Variants in SLC14A2 observed in about 807,000 individuals in gnomAD.
SLC14A2 encodes urea transporter 2.
A neutral mutation model predicts 104.6 loss-of-function variants in SLC14A2; 91 were observed. The observed-to-expected ratio is 0.87, with a 90% CI of 0.73 to 1.04. SLC14A2 has a LOEUF of 1.04. Among genes scored for constraint, SLC14A2 ranks in the 50% least tolerant of loss-of-function variants. The pLI is 0.00. For synonymous variants in SLC14A2, 476 were observed against 466.4 expected, an observed-to-expected ratio of 1.02 and a Z score of -0.27; for missense variants, 1,189 against 1,156.0, an observed-to-expected ratio of 1.03 and a Z score of -0.41.
At chr18:45,543,249 G>A (rs1366578213) in intron 2 of SLC14A2, among the ~76,000 whole-genome samples, 1 of 151,950 alleles carries the variant, frequency 6.6e-6, no homozygotes, top group Non-Finnish European at 1.5e-5. Context: ...CGCCCAGCCT[G>A]TGTCTTTAAA....
chr18:45,294,250 G>A (rs1261968582), intron 1 of SLC14A2, among the ~76,000 whole-genome samples: 1 of 152,168 alleles, frequency 6.6e-6, no homozygotes, highest in Non-Finnish European at 1.5e-5. Context: ...GATTAAGCAA[G>A]TATTACATTT....
chr18:45,483,219 C>T (rs2087531173), intron 1 of SLC14A2: 1 of 152,096 alleles, frequency 6.6e-6, no homozygotes, highest in African/African-American at 2.4e-5. Flanking sequence ...TTCTGACCTC[C>T]ATTCTCTTTA....
At chr18:45,646,047 G>T (rs1192136699) in intron 10 of SLC14A2, 1 of 152,246 alleles carries the variant, frequency 6.6e-6, no homozygotes, top group Admixed American at 6.5e-5. Flanking sequence ...AGGAGGACCT[G>T]CTCTGGGGCT....
chr18:45,643,208 C>T (rs1428035803), intron 9 of SLC14A2, 27 bp downstream of exon 9: 4 of 1,602,314 alleles, frequency 2.5e-6, no homozygotes, highest in East Asian at 2.2e-5. Context: ...CTGAACACTA[C>T]CCCAAAGTGC....
At chr18:45,188,162 T>C in the SLC14A2 span, among the ~76,000 whole-genome samples, 1 of 152,120 alleles carries the variant, frequency 6.6e-6, no homozygotes, top group African/African-American at 2.4e-5. Context: ...TTCAAGATGG[T>C]AGAGGATGAA....
intron 2 of SLC14A2, among the ~76,000 whole-genome samples, chr18:45,555,745 G>T (rs902739425): frequency 1.3e-5 from 2 of 152,214 alleles, no homozygotes; most frequent in African/African-American, 4.8e-5. Flanking sequence ...GCTGCTTAAT[G>T]TTCCCTCATG....
intron 1 of SLC14A2, among the ~76,000 whole-genome samples, chr18:45,284,641 T>C (rs1383935476): frequency 6.6e-6 from 1 of 152,212 alleles, no homozygotes; most frequent in Non-Finnish European, 1.5e-5. Flanking sequence ...TTTTCATCTT[T>C]TGCATTACTT....
intron 6 of SLC14A2, among the ~76,000 whole-genome samples, chr18:45,637,469 T>G (rs952891612): frequency 6.6e-6 from 1 of 152,182 alleles, no homozygotes; most frequent in Non-Finnish European, 1.5e-5. Context: ...ACAGATAACA[T>G]GCAAGTGAAC....
In SLC14A2 at chr18:45,303,097, G is replaced by A. The variant is rs137939026; in HGVS notation, c.-125+89906G>A. Among the ~76,000 whole-genome samples the A allele has an allele frequency of 1.8e-3, 278 of 152,298 alleles. 4 individuals carry two copies. Among genetic ancestry groups the A allele is most frequent in the Admixed American group, 0.012 (190 of 15,300 alleles). On this transcript the variant is annotated intron_variant, in intron 1 of 20. Transcript: ENST00000586448. ...AAGGAGTTTAATTGAGCATTGAAAC[G>A]ATTTGCAAATTGGGCAGCCCCCATA...
At chr18:45,367,397 C>A (rs1208327682) in intron 1 of SLC14A2, among the ~76,000 whole-genome samples, 1 of 152,064 alleles carries the variant, frequency 6.6e-6, no homozygotes, top group Non-Finnish European at 1.5e-5. Flanking sequence ...TTCTCAGAAA[C>A]CAGCTGACTC....
intron 1 of SLC14A2, among the ~76,000 whole-genome samples, chr18:45,260,208 G>A (rs1380979629): frequency 6.6e-6 from 1 of 152,150 alleles, no homozygotes; most frequent in African/African-American, 2.4e-5. Context: ...GCTCCTCTGT[G>A]CAATGGATCA....
chr18:45,196,140 G>A, the SLC14A2 span, among the ~76,000 whole-genome samples: 1,514 of 152,232 alleles, frequency 9.9e-3, 27 homozygotes, highest in African/African-American at 0.034. Flanking sequence ...TCAATGATTG[G>A]CACAAAGATA....
chr18:45,432,815 A>C (rs2086538087), intron 1 of SLC14A2, among the ~76,000 whole-genome samples: 1 of 152,190 alleles, frequency 6.6e-6, no homozygotes, highest in African/African-American at 2.4e-5. Context: ...CTCAGTCACC[A>C]AGGACTTACT....
intron 1 of SLC14A2, among the ~76,000 whole-genome samples, chr18:45,419,571 C>T (rs879560523): frequency 1.4e-4 from 21 of 152,202 alleles, no homozygotes; most frequent in Non-Finnish European, 2.6e-4. Context: ...GTCAGGAGAT[C>T]GAGACCAGCC....
In SLC14A2 at chr18:45,674,316, T is replaced by C. The variant is rs549013112; in HGVS notation, c.2512+499T>C. Among the ~76,000 whole-genome samples, 8 of 152,328 alleles carry C rather than the reference T, an allele frequency of 5.3e-5. No individual in the cohort carries two copies. The East Asian group carries it at 9.6e-4, about 18-fold the overall frequency. On this transcript the variant is annotated intron_variant, in intron 18 of 19. Transcript: ENST00000255226. ...AGCAGAACATTTAAAACAGAAGTTC[T>C]ATTTCAATACATCTGTAGACTCTGT...
intron 1 of SLC14A2, among the ~76,000 whole-genome samples, chr18:45,422,367 G>A (rs2086361167): frequency 6.6e-6 from 1 of 152,208 alleles, no homozygotes; most frequent in African/African-American, 2.4e-5. Flanking sequence ...GTAAGACAGG[G>A]AAGGTAAGAA....
chr18:45,377,769 T>C (rs1263354397), intron 1 of SLC14A2, among the ~76,000 whole-genome samples: 2 of 152,164 alleles, frequency 1.3e-5, no homozygotes, highest in East Asian at 3.9e-4. Flanking sequence ...TAATTGTTCC[T>C]CTTCTCTGGG....
intron 2 of SLC14A2, among the ~76,000 whole-genome samples, chr18:45,524,028 T>C (rs2043555263): frequency 6.6e-6 from 1 of 152,226 alleles, no homozygotes; most frequent in South Asian, 2.1e-4. Flanking sequence ...GACACAAAAC[T>C]GGAGCTCACC....
At chr18:45,390,962 G>T (rs2085954660) in intron 1 of SLC14A2, among the ~76,000 whole-genome samples, 2 of 152,032 alleles carry the variant, frequency 1.3e-5, no homozygotes, top group African/African-American at 4.8e-5. Context: ...AAGTTTTAGG[G>T]TACATGTGCA....
Sources: allele counts gnomAD v4.1 joint callset (sites outside exome capture counted in the v4.1 genomes callset), GRCh38; gene constraint gnomAD v4.1.1; transcripts MANE v1.5; gene names NCBI Gene and HGNC (gene_info 2026-07-23, HGNC 2026-07-21).